The following SLC22A4 variants were observed in gnomAD, a reference collection of about 807,000 sequenced individuals.
SLC22A4 encodes the protein solute carrier family 22 member 4.
SLC22A4 carries 39 observed loss-of-function variants against 56.6 expected under a neutral mutation model. That is an observed-to-expected ratio of 0.69 (90% confidence interval 0.53 to 0.90). SLC22A4 has a LOEUF of 0.90. Ranked by LOEUF, SLC22A4 falls within the 40% of genes least tolerant of loss-of-function variation. The pLI is 0.00. For missense variants in SLC22A4, 594 were observed against 696.5 expected (o/e 0.85, Z 1.66); for synonymous variants, 241 against 281.4 (o/e 0.86, Z 1.44).
intron 1 of SLC22A4, among the ~76,000 whole-genome samples, chr5:132,296,560 G>A (rs899399074): frequency 2.0e-5 from 3 of 152,248 alleles, no homozygotes; most frequent in Non-Finnish European, 4.4e-5. Flanking sequence ...GCTCAGCCCA[G>A]GGACTGCCTT....
At chr5:132,295,156 C>T (rs777626046) in intron 1 of SLC22A4, 147 bp downstream of exon 1, 2 of 975,378 alleles carry the variant, frequency 2.1e-6, no homozygotes, top group African/African-American at 3.2e-5. Flanking sequence ...GGGTGTGCAC[C>T]CCAAGAAAGA....
At chr5:132,298,031 C>A (rs1371150005) in intron 1 of SLC22A4, among the ~76,000 whole-genome samples, 2 of 152,136 alleles carry the variant, frequency 1.3e-5, no homozygotes, top group African/African-American at 4.8e-5. Context: ...CTTGTTCATT[C>A]CTAGTGGGAG....
chr5:132,328,763 A>G (rs531518081), intron 5 of SLC22A4, among the ~76,000 whole-genome samples: 1 of 152,112 alleles, frequency 6.6e-6, no homozygotes, highest in Admixed American at 6.5e-5. Context: ...TATGAGATAT[A>G]TAGTTATGGA....
At position 132,343,964 on chromosome 5, in the gene SLC22A4, G is replaced by A; in HGVS notation, c.*129G>A. 1.5e-6 allele frequency: 1 copy of A among 645,284 alleles called. No individual in the cohort carries two copies. The highest frequency in any genetic ancestry group is 2.8e-6 in the Non-Finnish European group (1 of 360,208). The allele number at this position is 645,284 out of a possible 1,614,324, so 40.0% of individuals were successfully genotyped here. On this transcript the variant is annotated 3_prime_UTR_variant, in exon 10 of 10. Coordinates refer to ENST00000200652, the MANE Select transcript of SLC22A4 (RefSeq NM_003059.3). ...AAAATGAACCTTGCTATCAAGAAAT[G>A]CTCGTCATACAGTAAACTCTGGATG...
At chr5:132,335,767 G>A (rs11568506) in intron 7 of SLC22A4, 51 bp from the exon 8 acceptor site, 28,165 of 1,439,874 alleles carry the variant, frequency 0.02, 354 homozygotes, top group Non-Finnish European at 0.023. Context: ...ACTGATATAA[G>A]AAAGTATCAC....
At chr5:132,315,786 G>A (rs1189276355) in intron 3 of SLC22A4, among the ~76,000 whole-genome samples, 1 of 152,186 alleles carries the variant, frequency 6.6e-6, no homozygotes, top group African/African-American at 2.4e-5. Context: ...GGGTGCTCTG[G>A]GAGCCTCTTC....
intron 1 of SLC22A4, among the ~76,000 whole-genome samples, chr5:132,310,349 A>G (rs1247676494): frequency 1.3e-5 from 2 of 152,250 alleles, no homozygotes; most frequent in Non-Finnish European, 2.9e-5. Flanking sequence ...GCAGAACCCA[A>G]GCTTTTATCT....
rs148339818 is a variant in SLC22A4, at chr5:132,319,973, GTACC to G, written c.653-2207_653-2204del. ...CACTTAGCCTGGAACCTGTCTCAAA[GTACC>G]TACTCAAAAAAATGCTAGCTGTGAA... is the stretch of plus-strand genomic sequence containing the variant. On this transcript the variant is annotated intron_variant, in intron 3 of 9. Transcript: ENST00000200652. Among the ~76,000 whole-genome samples the G allele has an allele frequency of 4.3e-3, 650 of 152,282 alleles. 11 individuals carry two copies. The highest frequency in any genetic ancestry group is 0.037 in the East Asian group (193 of 5,190).
intron 5 of SLC22A4, among the ~76,000 whole-genome samples, chr5:132,328,852 C>A (rs1391427468): frequency 6.6e-6 from 1 of 151,080 alleles, no homozygotes; most frequent in Non-Finnish European, 1.5e-5. Context: ...CACACACACA[C>A]ACACACACAC....
At chr5:132,308,160 T>C (rs1424214175) in intron 1 of SLC22A4, among the ~76,000 whole-genome samples, 1 of 152,108 alleles carries the variant, frequency 6.6e-6, no homozygotes, top group Non-Finnish European at 1.5e-5. Context: ...CTCTTTCCTC[T>C]CTAGCCAAAG....
At chr5:132,330,800 C>G (rs1458375514) in intron 5 of SLC22A4, among the ~76,000 whole-genome samples, 1 of 152,122 alleles carries the variant, frequency 6.6e-6, no homozygotes, top group Non-Finnish European at 1.5e-5. Flanking sequence ...AAGGATTTGT[C>G]ACTGACCGCT....
intron 1 of SLC22A4, among the ~76,000 whole-genome samples, chr5:132,310,438 G>A (rs2126708757): frequency 6.6e-6 from 1 of 152,298 alleles, no homozygotes; most frequent in Middle Eastern, 3.4e-3. Flanking sequence ...CCGGTCTATG[G>A]ACTGGCAGAA....
intron 5 of SLC22A4, among the ~76,000 whole-genome samples, chr5:132,329,288 G>C (rs1750786686): frequency 6.6e-6 from 1 of 151,936 alleles, no homozygotes; most frequent in African/African-American, 2.4e-5. Flanking sequence ...AGCCTGAACT[G>C]GACAAACCCA....
chr5:132,340,803 C>T, intron 9 of SLC22A4, 103 bp downstream of exon 9: 1 of 1,128,934 alleles, frequency 8.9e-7, no homozygotes, highest in Non-Finnish European at 1.3e-6. Context: ...TAAGTAGAGA[C>T]TAGCTCTATC....
intron 9 of SLC22A4, among the ~76,000 whole-genome samples, chr5:132,342,634 C>T (rs1284281948): frequency 6.6e-6 from 1 of 152,222 alleles, no homozygotes. Context: ...ACTTTGCTAC[C>T]AAGTCTGGGG....
chr5:132,330,112 C>A (rs1204964200), intron 5 of SLC22A4, among the ~76,000 whole-genome samples: 1 of 152,148 alleles, frequency 6.6e-6, no homozygotes, highest in Non-Finnish European at 1.5e-5. Context: ...GCTCTACAAT[C>A]CAAATAGTGC....
At chr5:132,335,781 TA>T (rs746326520) in intron 7 of SLC22A4, 36 bp from the exon 8 acceptor site, 2 of 1,555,600 alleles carry the variant, frequency 1.3e-6, no homozygotes, top group Non-Finnish European at 1.8e-6. Flanking sequence ...GTATCACTTC[TA>T]AAAGCACCAT....
At position 132,340,601 on chromosome 5, in the gene SLC22A4, G is replaced by T; in HGVS notation, c.1481G>T (p.Gly494Val). Residue 494 changes from glycine to valine, a missense_variant, in exon 9 of 10, where the codon GGT (glycine) becomes GTT (valine). By Grantham distance (109) the Gly-to-Val change is moderately radical. Coordinates refer to ENST00000200652, the MANE Select transcript of SLC22A4 (RefSeq NM_003059.3). Reference sequence around the variant, plus strand: ...AGAATGCTGCCCTACATCGTCATGGGTAGTCTGACTGTCCTGATTGGAATC... The same window carrying T: ...AGAATGCTGCCCTACATCGTCATGGTTAGTCTGACTGTCCTGATTGGAATC... ...YNRMLPYIVMGSLTVLIGILT... is the reference protein window; with the variant it reads ...YNRMLPYIVMVSLTVLIGILT... 6.2e-7 allele frequency: 1 copy of T among 1,613,872 alleles called. No individual in the cohort carries two copies. The highest frequency in any genetic ancestry group is 8.5e-7 in the Non-Finnish European group (1 of 1,179,780).
chr5:132,321,065 C>A (rs1355716134), intron 3 of SLC22A4: 5 of 152,234 alleles, frequency 3.3e-5, no homozygotes, highest in Non-Finnish European at 7.3e-5. Context: ...GAGCAGAGGC[C>A]AATAGTCGCC....
Sources: allele counts gnomAD v4.1 joint callset (sites outside exome capture counted in the v4.1 genomes callset), GRCh38; gene constraint gnomAD v4.1.1; transcripts MANE v1.5; gene names NCBI Gene and HGNC (gene_info 2026-07-23, HGNC 2026-07-21).